The following KALRN variants were observed in gnomAD, a reference collection of about 807,000 sequenced individuals.
KALRN encodes kalirin.
Under a neutral mutation model 353.7 loss-of-function variants are expected in KALRN, and 70 were observed. The ratio of observed to expected loss-of-function variants is 0.20; its 90% CI spans 0.16 to 0.24. The LOEUF (loss-of-function observed/expected upper bound fraction) is 0.24, where lower values mean the gene tolerates loss of function less well. Among genes scored for constraint, KALRN ranks in the 10% least tolerant of loss-of-function variants. KALRN has a pLI of 1.00. For missense variants in KALRN, 2,791 were observed against 3,756.7 expected (o/e 0.74, Z 6.72); for synonymous variants, 1,391 against 1,434.8 (o/e 0.97, Z 0.69).
At chr3:124,323,815 G>C (rs56087604) in intron 6 of KALRN, among the ~76,000 whole-genome samples, 1 of 152,208 alleles carries the variant, frequency 6.6e-6, no homozygotes, top group Admixed American at 6.5e-5. Flanking sequence ...TTTGAATCCA[G>C]TTTGGGAGGA....
intron 37 of KALRN, among the ~76,000 whole-genome samples, chr3:124,644,496 G>A (rs1342088603): frequency 2.0e-5 from 3 of 151,832 alleles, no homozygotes; most frequent in African/African-American, 7.3e-5. Flanking sequence ...CCCCAGACAG[G>A]CCCCAGTGTG....
chr3:124,206,008 A>G (rs1193288873), intron 1 of KALRN, among the ~76,000 whole-genome samples: 1 of 152,218 alleles, frequency 6.6e-6, no homozygotes, highest in East Asian at 1.9e-4. Context: ...TTAACACCTG[A>G]CATAAGATTT....
intron 10 of KALRN, among the ~76,000 whole-genome samples, chr3:124,379,473 A>G (rs2087027497): frequency 6.6e-6 from 1 of 152,152 alleles, no homozygotes; most frequent in South Asian, 2.1e-4. Flanking sequence ...ATATTCCTAT[A>G]AATATTCTTA....
At chr3:124,375,071 C>T (rs898384187) in intron 10 of KALRN, among the ~76,000 whole-genome samples, 1 of 152,072 alleles carries the variant, frequency 6.6e-6, no homozygotes, top group Non-Finnish European at 1.5e-5. Flanking sequence ...ACATGTTCCC[C>T]TTCATTGTTT....
At chr3:124,328,475 TC>T (rs2080157713) in intron 7 of KALRN, among the ~76,000 whole-genome samples, 1 of 152,136 alleles carries the variant, frequency 6.6e-6, no homozygotes, top group Non-Finnish European at 1.5e-5. Flanking sequence ...GAAGGAGTGT[TC>T]CCCCCATGAT....
At chr3:124,075,341 T>C (rs1472838723) in intron 1 of KALRN, among the ~76,000 whole-genome samples, 1 of 152,228 alleles carries the variant, frequency 6.6e-6, no homozygotes, top group Non-Finnish European at 1.5e-5. Flanking sequence ...ATGCCCTCAC[T>C]GCAGTTTCAA....
At chr3:124,290,956 C>G (rs1684446749) in intron 5 of KALRN, among the ~76,000 whole-genome samples, 1 of 152,156 alleles carries the variant, frequency 6.6e-6, no homozygotes, top group Non-Finnish European at 1.5e-5. Context: ...TATAGTTTGG[C>G]TCTAAAATAT....
rs142294828 is a variant in KALRN, at chr3:124,271,130, C to T, written c.969+1875C>T. Reference sequence around the variant, plus strand: ...ACAGGCGTGAGCCACCGTGCCCGGCCCTGTTGCCAGTTTTGGAAAGATCTG... The same window carrying T: ...ACAGGCGTGAGCCACCGTGCCCGGCTCTGTTGCCAGTTTTGGAAAGATCTG... On this transcript the variant is annotated intron_variant, in intron 5 of 59. Coordinates refer to ENST00000682506, the MANE Select transcript of KALRN (RefSeq NM_001388419.1). 1.7e-4 allele frequency among the ~76,000 whole-genome samples: 26 copies of T among 152,172 alleles called. No individual in the cohort carries two copies. In the East Asian group the frequency reaches 5.0e-3, roughly 29 times the overall value.
chr3:124,219,021 G>A (rs1392594271), intron 1 of KALRN, among the ~76,000 whole-genome samples: 1 of 152,194 alleles, frequency 6.6e-6, no homozygotes, highest in Admixed American at 6.5e-5. Flanking sequence ...GAGGGAGAAA[G>A]ATGAACATGA....
chr3:124,118,344 ACTC>A (rs1265998922), intron 1 of KALRN, among the ~76,000 whole-genome samples: 1 of 151,572 alleles, frequency 6.6e-6, no homozygotes, highest in African/African-American at 2.4e-5. Flanking sequence ...CTTAGACTAT[ACTC>A]CCTGTGAAGT....
chr3:124,566,604 C>G (rs1375363424), intron 34 of KALRN, among the ~76,000 whole-genome samples: 1 of 152,142 alleles, frequency 6.6e-6, no homozygotes, highest in Non-Finnish European at 1.5e-5. Flanking sequence ...ATGCACATAG[C>G]CCAGCCTCAA....
At chr3:124,653,948 G>A (rs2083698693) in intron 38 of KALRN, among the ~76,000 whole-genome samples, 1 of 152,154 alleles carries the variant, frequency 6.6e-6, no homozygotes. Context: ...AACCCTTCAA[G>A]GGAAGAGATG....
chr3:124,561,443 C>T (rs956039867), intron 33 of KALRN, among the ~76,000 whole-genome samples: 3 of 152,282 alleles, frequency 2.0e-5, no homozygotes, highest in Admixed American at 1.3e-4. Context: ...TTATTTTAAC[C>T]GTTTCAAGCC....
rs750463352 is a variant in KALRN at position 124,679,443 on chromosome 3, A to G, written c.7318-15A>G. The G allele has an allele frequency of 2.5e-6, 4 of 1,611,050 alleles. No individual in the cohort carries two copies. Among genetic ancestry groups the G allele is most frequent in the Admixed American group, 1.7e-5 (1 of 59,962 alleles). On this transcript the variant is annotated splice_polypyrimidine_tract_variant and intron_variant, in intron 50 of 59. Coordinates refer to ENST00000682506, the MANE Select transcript of KALRN (RefSeq NM_001388419.1). ...GTGTTCTCTTTCTTCCCCCTTCCTCATGCTGCCAATCAAGGAGACGAACAG... is the reference window on the plus strand; with the variant it reads ...GTGTTCTCTTTCTTCCCCCTTCCTCGTGCTGCCAATCAAGGAGACGAACAG...
chr3:124,471,981 A>C (rs1425896272), intron 25 of KALRN, among the ~76,000 whole-genome samples: 1 of 151,476 alleles, frequency 6.6e-6, no homozygotes, highest in African/African-American at 2.4e-5. Flanking sequence ...AAAAAAAAAA[A>C]AAACAACCTT....
intron 34 of KALRN, among the ~76,000 whole-genome samples, chr3:124,578,178 G>A (rs2074297277): frequency 6.6e-6 from 1 of 152,172 alleles, no homozygotes; most frequent in Non-Finnish European, 1.5e-5. Flanking sequence ...AAACTCCCAT[G>A]TATAGGTTAG....
chr3:124,592,962 G>A (rs556902513), intron 34 of KALRN, among the ~76,000 whole-genome samples: 1 of 152,314 alleles, frequency 6.6e-6, no homozygotes, highest in East Asian at 1.9e-4. Flanking sequence ...TCAAATTGAA[G>A]GGGAGGGAAA....
chr3:124,532,158 T>C (rs2068095939), intron 33 of KALRN, among the ~76,000 whole-genome samples: 1 of 152,358 alleles, frequency 6.6e-6, no homozygotes, highest in Admixed American at 6.5e-5. Flanking sequence ...GTGAACTTAC[T>C]GAATCCCCAA....
chr3:124,659,556 C>T (rs2084545338), intron 43 of KALRN, 99 bp downstream of exon 43: 3 of 815,696 alleles, frequency 3.7e-6, no homozygotes, highest in Non-Finnish European at 6.4e-6. Flanking sequence ...GTCTCCACCA[C>T]ACTGTCCCAA....
Sources: allele counts gnomAD v4.1 joint callset (sites outside exome capture counted in the v4.1 genomes callset), GRCh38; gene constraint gnomAD v4.1.1; transcripts MANE v1.5; gene names NCBI Gene and HGNC (gene_info 2026-07-23, HGNC 2026-07-21).